Variants in FANCA observed in about 807,000 individuals in gnomAD.
FANCA encodes the protein Fanconi anemia group A protein.
FANCA carries 236 observed loss-of-function variants against 194.3 expected under a neutral mutation model. The ratio of observed to expected loss-of-function variants is 1.21; its 90% CI spans 1.09 to 1.35. The LOEUF is 1.35. Among genes scored for constraint, FANCA ranks in the 40% most tolerant of loss-of-function variants. FANCA has a pLI of 0.00. For missense variants in FANCA, 2,628 were observed against 1,813.9 expected (o/e 1.45, Z -8.15); for synonymous variants, 1,014 against 715.8 (o/e 1.42, Z -6.65).
intron 11 of FANCA, among the ~76,000 whole-genome samples, chr16:89,795,092 C>T (rs1419142584): frequency 6.6e-6 from 1 of 152,112 alleles, no homozygotes; most frequent in East Asian, 1.9e-4. Flanking sequence ...CGAGACCAGC[C>T]TGGCCAACAT....
chr16:89,783,972 G>C (rs1365796480), intron 15 of FANCA, among the ~76,000 whole-genome samples: 1 of 152,068 alleles, frequency 6.6e-6, no homozygotes, highest in Non-Finnish European at 1.5e-5. Flanking sequence ...CATTGGTCAG[G>C]CTGGTCTCGA....
Position 89,778,726 on chromosome 16 carries a change from C to G in FANCA, c.1826+75G>C, listed in dbSNP as rs373021117. ...AATAGTGGTCTAACAAATTTCTCTA[C>G]AGAAGATCCACAATTCTTCGCATTG... On this transcript the variant is annotated intron_variant, in intron 20 of 42. Transcript: ENST00000389301. 7.8e-5 allele frequency: 108 copies of G among 1,390,576 alleles called. No homozygotes were observed. The African/African-American group carries it at 1.4e-3, about 18-fold the overall frequency. 86.1% of individuals were successfully genotyped at this position (1,390,576 alleles called of 1,614,324 possible).
chr16:89,797,810 G>C (rs1743390540), intron 10 of FANCA, among the ~76,000 whole-genome samples: 1 of 152,040 alleles, frequency 6.6e-6, no homozygotes, highest in African/African-American at 2.4e-5. Flanking sequence ...CAGAAGAATT[G>C]ATTGAACCTG....
chr16:89,797,068 G>T (rs1414780270), intron 10 of FANCA, among the ~76,000 whole-genome samples: 1 of 152,196 alleles, frequency 6.6e-6, no homozygotes. Flanking sequence ...ACTGAGGCAG[G>T]AGAATGGTGT....
At chr16:89,796,511 G>A (rs1267662831) in intron 10 of FANCA, among the ~76,000 whole-genome samples, 1 of 152,182 alleles carries the variant, frequency 6.6e-6, no homozygotes, top group Non-Finnish European at 1.5e-5. Flanking sequence ...AGGAAGGAAT[G>A]GAAGGGACTA....
rs2040744991 is a variant in FANCA at position 89,808,381 on chromosome 16, C to G, written c.523-14G>C. The G allele has an allele frequency of 6.2e-7, 1 of 1,613,762 alleles. No homozygotes were observed. Among genetic ancestry groups the G allele is most frequent in the Non-Finnish European group, 8.5e-7 (1 of 1,179,816 alleles). On this transcript the variant is annotated splice_polypyrimidine_tract_variant and intron_variant, in intron 5 of 42. Coordinates refer to ENST00000389301, the MANE Select transcript of FANCA (RefSeq NM_000135.4). The stretch of plus-strand genomic sequence containing the variant: ...CAACAAAGAACTCTGAAAAACAAAA[C>G]AAAACAAACAAAAACAAAAACAAAA...
In FANCA at chr16:89,808,386, C is replaced by A. The variant is rs2040745247; in HGVS notation, c.523-19G>T. 3 of 1,613,302 alleles carry A rather than the reference C, an allele frequency of 1.9e-6. No individual in the cohort carries two copies. Among genetic ancestry groups the A allele is most frequent in the East Asian group, 2.2e-5 (1 of 44,888 alleles). ...AAGAACTCTGAAAAACAAAACAAAA[C>A]AAACAAAAACAAAAACAAAAAAACC... On this transcript the variant is annotated intron_variant, in intron 5 of 42. Transcript: ENST00000389301.
At chr16:89,748,592 G>C (rs1448526778) in intron 33 of FANCA, 67 bp downstream of exon 33, 34 of 1,228,576 alleles carry the variant, frequency 2.8e-5, no homozygotes, top group Middle Eastern at 1.9e-4. Context: ...CATGGAGGCT[G>C]CAAGAGCTGC....
chr16:89,797,183 T>C (rs2040277147), intron 10 of FANCA, among the ~76,000 whole-genome samples: 1 of 150,422 alleles, frequency 6.6e-6, no homozygotes, highest in Admixed American at 6.6e-5. Context: ...TAAAAAAAAT[T>C]AGCCAGGCAT....
At position 89,772,378 on chromosome 16, in the gene FANCA, C is replaced by T. The variant is rs563668637; in HGVS notation, c.2015-564G>A. On this transcript the variant is annotated intron_variant, in intron 22 of 42. Coordinates refer to ENST00000389301, the MANE Select transcript of FANCA (RefSeq NM_000135.4). Reference sequence around the variant, plus strand: ...TGGCGCACTTGGTCTGAGTGAAGACCGCCAAGGCGCTGCAGCCCCAGCTAG... The same window carrying T: ...TGGCGCACTTGGTCTGAGTGAAGACTGCCAAGGCGCTGCAGCCCCAGCTAG... Among the ~76,000 whole-genome samples the T allele has an allele frequency of 9.2e-5, 14 of 152,352 alleles. No homozygotes were observed. In the South Asian group the frequency reaches 2.5e-3, roughly 27 times the overall value.
chr16:89,744,855 C>G, intron 36 of FANCA, 104 bp downstream of exon 36: 1 of 1,048,488 alleles, frequency 9.5e-7, no homozygotes. Flanking sequence ...GAGAGGCTGC[C>G]CACACCGCTT....
intron 14 of FANCA, among the ~76,000 whole-genome samples, chr16:89,786,383 G>A (rs1020092261): frequency 6.6e-6 from 1 of 152,066 alleles, no homozygotes; most frequent in Non-Finnish European, 1.5e-5. Flanking sequence ...GGGTTTCATC[G>A]TGTTGGCCAG....
chr16:89,798,828 C>G, intron 10 of FANCA: 1 of 1,481,382 alleles, frequency 6.8e-7, no homozygotes, highest in Non-Finnish European at 8.9e-7. Flanking sequence ...AGCTCTAGAG[C>G]CTGAATCACA....
intron 30 of FANCA, among the ~76,000 whole-genome samples, chr16:89,754,723 G>A (rs62054638): frequency 6.6e-6 from 1 of 152,008 alleles, no homozygotes; most frequent in Admixed American, 6.6e-5. Flanking sequence ...AACACTCTTA[G>A]AACTAATAAA....
At position 89,748,642 on chromosome 16, in the gene FANCA, G is replaced by T; in HGVS notation, c.3348+17C>A. ...GCACTGACAGATCGGACGGACACGT[G>T]CACACGGGGCACCTACCATCTCAGA... On this transcript the variant is annotated intron_variant, in intron 33 of 42. Coordinates refer to ENST00000389301, the MANE Select transcript of FANCA (RefSeq NM_000135.4). The T allele has an allele frequency of 6.3e-7, 1 of 1,595,468 alleles. No individual in the cohort carries two copies. Among genetic ancestry groups the T allele is most frequent in the Non-Finnish European group, 8.6e-7 (1 of 1,163,208 alleles).
chr16:89,745,259 T>C (rs2038342265), intron 35 of FANCA, among the ~76,000 whole-genome samples, 188 bp from the exon 36 acceptor site: 1 of 152,242 alleles, frequency 6.6e-6, no homozygotes, highest in South Asian at 2.1e-4. Context: ...GAGGCATTTA[T>C]TACCCACACT....
At chr16:89,758,533 G>C in intron 30 of FANCA, 44 bp downstream of exon 30, 3 of 1,605,828 alleles carry the variant, frequency 1.9e-6, no homozygotes, top group Non-Finnish European at 2.6e-6. Context: ...TATCCTATTA[G>C]TCCTGTCCCT....
intron 23 of FANCA, 92 bp downstream of exon 23, chr16:89,771,586 C>T (rs2039327247): frequency 1.4e-6 from 2 of 1,476,138 alleles, no homozygotes; most frequent in African/African-American, 1.4e-5. Context: ...GCAAGTCAAA[C>T]AGAAATTGAG....
At chr16:89,809,754 G>A (rs2040804114) in intron 5 of FANCA, among the ~76,000 whole-genome samples, 1 of 152,106 alleles carries the variant, frequency 6.6e-6, no homozygotes, top group Admixed American at 6.5e-5. Context: ...TCGGGAGGCT[G>A]AGGCGGGAGA....
Sources: allele counts gnomAD v4.1 joint callset (sites outside exome capture counted in the v4.1 genomes callset), GRCh38; gene constraint gnomAD v4.1.1; transcripts MANE v1.5; gene names NCBI Gene and HGNC (gene_info 2026-07-23, HGNC 2026-07-21).